RANBP2: variants seen among roughly 807,000 people sequenced by gnomAD.
The protein encoded by RANBP2 is E3 SUMO-protein ligase RanBP2.
Under a neutral mutation model 303.6 loss-of-function variants are expected in RANBP2, and 57 were observed. The ratio of observed to expected loss-of-function variants is 0.19; its 90% CI spans 0.15 to 0.23. The LOEUF (loss-of-function observed/expected upper bound fraction) is 0.23. Among genes scored for constraint, RANBP2 ranks in the 10% least tolerant of loss-of-function variants. The pLI is 1.00. For missense variants in RANBP2, 3,138 were observed against 3,780.8 expected (o/e 0.83, Z 4.46); for synonymous variants, 1,167 against 1,301.5 (o/e 0.90, Z 2.23).
the RANBP2 span, among the ~76,000 whole-genome samples, chr2:109,336,568 A>G: frequency 6.6e-5 from 10 of 152,180 alleles, no homozygotes; most frequent in Non-Finnish European, 1.3e-4. Flanking sequence ...AGGGAGGAGG[A>G]TGATGCCAGC....
At chr2:109,675,157 G>C in the RANBP2 span, among the ~76,000 whole-genome samples, 1 of 152,118 alleles carries the variant, frequency 6.6e-6, no homozygotes, top group Non-Finnish European at 1.5e-5. Context: ...ACTTTTTGTA[G>C]AGACAGGATC....
the RANBP2 span, among the ~76,000 whole-genome samples, chr2:108,892,278 C>T: frequency 6.6e-6 from 1 of 152,188 alleles, no homozygotes; most frequent in Admixed American, 6.5e-5. Flanking sequence ...CCCACCCTGG[C>T]TGCAGGAGGC....
chr2:109,105,031 A>C, the RANBP2 span, among the ~76,000 whole-genome samples: 1 of 152,168 alleles, frequency 6.6e-6, no homozygotes, highest in African/African-American at 2.4e-5. Context: ...CAACCCTGCC[A>C]AGGAATGTTG....
the RANBP2 span, among the ~76,000 whole-genome samples, chr2:109,660,369 CAG>C: frequency 6.6e-6 from 1 of 152,206 alleles, no homozygotes; most frequent in Non-Finnish European, 1.5e-5. Flanking sequence ...ACTCTGTAAC[CAG>C]TTCTCTTGAG....
At chr2:109,125,398 G>GCCGT in the RANBP2 span, among the ~76,000 whole-genome samples, 1 of 152,194 alleles carries the variant, frequency 6.6e-6, no homozygotes, top group Admixed American at 6.5e-5. Context: ...CTGACATACA[G>GCCGT]CCGTCCAGTC....
At position 108,744,722 on chromosome 2, in the gene RANBP2, A is replaced by G. The variant is rs376775269; in HGVS notation, c.976-1989A>G. Among the ~76,000 whole-genome samples the G allele has an allele frequency of 4.6e-5, 7 of 152,344 alleles. No homozygotes were observed. In the South Asian group the frequency reaches 8.3e-4, roughly 18 times the overall value. ...ATAAATCATATATTTTGAAAAATGA[A>G]CATGTTTGGAAAGAATTATATATAC... On this transcript the variant is annotated intron_variant, in intron 7 of 28. Transcript: ENST00000283195.
the RANBP2 span, chr2:109,491,023 G>C: frequency 1.6e-6 from 2 of 1,270,460 alleles, no homozygotes; most frequent in Non-Finnish European, 2.1e-6. Flanking sequence ...GGGACACTGT[G>C]GCCTTGCTGG....
At chr2:108,954,765 TC>T in the RANBP2 span, among the ~76,000 whole-genome samples, 1 of 151,536 alleles carries the variant, frequency 6.6e-6, no homozygotes, top group South Asian at 2.1e-4. Flanking sequence ...AACCTCCACC[TC>T]CCAGGTTCAA....
chr2:109,544,299 A>G, the RANBP2 span: 1 of 1,601,156 alleles, frequency 6.2e-7, no homozygotes, highest in Non-Finnish European at 8.5e-7. Flanking sequence ...TGTGCTCTGG[A>G]ACTTCTGTTT....
At chr2:108,832,768 T>C in the RANBP2 span, among the ~76,000 whole-genome samples, 1 of 152,072 alleles carries the variant, frequency 6.6e-6, no homozygotes. Flanking sequence ...AGACACCTAG[T>C]AGTTGAAGGA....
At chr2:109,462,620 A>G in the RANBP2 span, among the ~76,000 whole-genome samples, 1 of 151,994 alleles carries the variant, frequency 6.6e-6, no homozygotes, top group African/African-American at 2.4e-5. Context: ...TTATTTTACC[A>G]TTTTCTGAAA....
the RANBP2 span, among the ~76,000 whole-genome samples, chr2:109,719,258 G>A: frequency 0.2 from 29,572 of 148,078 alleles, 3,052 homozygotes; most frequent in East Asian, 0.31. Flanking sequence ...CACCACACCC[G>A]GCTAATTTTT....
At chr2:109,646,982 G>T in the RANBP2 span, among the ~76,000 whole-genome samples, 178 of 152,036 alleles carry the variant, frequency 1.2e-3, no homozygotes, top group African/African-American at 4.0e-3. Flanking sequence ...CTACCTCAAT[G>T]TTCTATGGAA....
At chr2:108,945,570 C>G in the RANBP2 span, among the ~76,000 whole-genome samples, 2 of 151,882 alleles carry the variant, frequency 1.3e-5, no homozygotes, top group African/African-American at 4.8e-5. Context: ...TAAATGCCAG[C>G]CACAAAGAAC....
chr2:109,032,903 G>T, the RANBP2 span, among the ~76,000 whole-genome samples: 1 of 152,336 alleles, frequency 6.6e-6, no homozygotes, highest in East Asian at 1.9e-4. Context: ...GCTAAGAAGT[G>T]CATCCTATGT....
chr2:109,377,656 A>G, the RANBP2 span, among the ~76,000 whole-genome samples: 2 of 152,198 alleles, frequency 1.3e-5, no homozygotes, highest in African/African-American at 4.8e-5. Context: ...TATAATACCC[A>G]GAAAAATAGC....
the RANBP2 span, chr2:108,884,701 G>T: frequency 1.3e-5 from 2 of 152,270 alleles, no homozygotes; most frequent in African/African-American, 2.4e-5. Flanking sequence ...CCCTTTTCGA[G>T]ATTGTGTCCT....
intron 24 of RANBP2, among the ~76,000 whole-genome samples, chr2:108,776,156 A>G (rs2149312729): frequency 6.6e-6 from 1 of 152,324 alleles, no homozygotes; most frequent in East Asian, 1.9e-4. Flanking sequence ...ATTAGGGAAT[A>G]CAAAGCATTA....
At chr2:109,414,240 G>A in the RANBP2 span, among the ~76,000 whole-genome samples, 1 of 152,166 alleles carries the variant, frequency 6.6e-6, no homozygotes, top group African/African-American at 2.4e-5. Context: ...TTTGTTGAGG[G>A]CCTATTCTGT....
Sources: gnomAD v4.1 joint callset for allele counts (sites outside exome capture counted in the v4.1 genomes callset) on GRCh38, gnomAD v4.1.1 for gene constraint, MANE v1.5 for transcripts, NCBI Gene and HGNC (gene_info 2026-07-23, HGNC 2026-07-21) for gene names.